Variants in CUL3 observed in about 807,000 individuals in gnomAD.
CUL3 encodes cullin-3.
A neutral mutation model predicts 89.1 loss-of-function variants in CUL3; 19 were observed. That is an observed-to-expected ratio of 0.21 (90% CI 0.15 to 0.31). The LOEUF (loss-of-function observed/expected upper bound fraction) is 0.31. CUL3 is among the 10% of genes least tolerant of loss of function. The probability of loss-of-function intolerance (pLI) is 1.00; values close to 1 mark genes in which losing one functional copy is unlikely to be tolerated. For synonymous variants in CUL3, 351 were observed against 308.4 expected, an observed-to-expected ratio of 1.14 and a Z score of -1.45; for missense variants, 469 against 942.3, an observed-to-expected ratio of 0.50 and a Z score of 6.58.
chr2:224,518,120 C>A (rs1693134152), intron 3 of CUL3, among the ~76,000 whole-genome samples: 1 of 152,136 alleles, frequency 6.6e-6, no homozygotes, highest in Admixed American at 6.5e-5. Flanking sequence ...TCGGGATTTG[C>A]AGCTAGAATA....
At chr2:224,498,963 G>A (rs1160086610) in intron 11 of CUL3, among the ~76,000 whole-genome samples, 2 of 152,164 alleles carry the variant, frequency 1.3e-5, no homozygotes, top group East Asian at 3.9e-4. Context: ...AATGTTCGAG[G>A]CTTTTTAAGT....
At chr2:224,572,666 G>A (rs1038503417) in intron 1 of CUL3, among the ~76,000 whole-genome samples, 1 of 150,748 alleles carries the variant, frequency 6.6e-6, no homozygotes, top group Non-Finnish European at 1.5e-5. Flanking sequence ...GGGGTCTTCA[G>A]GAAGTGATTA....
At chr2:224,498,601 A>G (rs1047069446) in intron 11 of CUL3, among the ~76,000 whole-genome samples, 2 of 152,220 alleles carry the variant, frequency 1.3e-5, no homozygotes. Flanking sequence ...TCAGGCAAAT[A>G]AAACTAGTTG....
At chr2:224,572,619 T>G (rs1574706879) in intron 1 of CUL3, among the ~76,000 whole-genome samples, 13 of 98,248 alleles carry the variant, frequency 1.3e-4, no homozygotes, top group Admixed American at 4.5e-4. Context: ...CCAGCCTGGG[T>G]GAGAGTGAGA....
intron 13 of CUL3, among the ~76,000 whole-genome samples, chr2:224,489,643 ATAC>A (rs1691878894): frequency 6.6e-6 from 1 of 152,366 alleles, no homozygotes. Flanking sequence ...GAAAATGGCC[ATAC>A]TGCCCAAAGT....
rs550266395 is a variant in CUL3, at chr2:224,573,432, A to G, written c.66+11512T>C. 5.9e-5 allele frequency among the ~76,000 whole-genome samples: 9 copies of G among 152,356 alleles called. No homozygotes were observed. The South Asian group carries it at 1.9e-3, about 32-fold the overall frequency. The stretch of plus-strand genomic sequence containing the variant: ...TCAATACACACTAAGGTCCCCTTAA[A>G]CAAGTTATATATTCAAATGTTACTG... On this transcript the variant is annotated intron_variant, in intron 1 of 15. Transcript: ENST00000264414.
At chr2:224,577,422 A>G (rs775898348) in intron 1 of CUL3, among the ~76,000 whole-genome samples, 4 of 152,128 alleles carry the variant, frequency 2.6e-5, no homozygotes, top group Non-Finnish European at 5.9e-5. Flanking sequence ...CAAAAAAATT[A>G]GCCAGGCGTG....
chr2:224,489,349 G>C (rs1691864356), intron 13 of CUL3, among the ~76,000 whole-genome samples: 1 of 152,110 alleles, frequency 6.6e-6, no homozygotes. Context: ...TTGTGTATTT[G>C]GAAAACCCCA....
chr2:224,571,383 A>C (rs1695176221), intron 1 of CUL3, among the ~76,000 whole-genome samples: 1 of 152,184 alleles, frequency 6.6e-6, no homozygotes, highest in Admixed American at 6.5e-5. Context: ...ATGTATATAA[A>C]ATTACTTTTT....
intron 1 of CUL3, among the ~76,000 whole-genome samples, chr2:224,574,449 T>C (rs1695253730): frequency 6.6e-6 from 1 of 152,196 alleles, no homozygotes; most frequent in South Asian, 2.1e-4. Flanking sequence ...CTCCTCACCT[T>C]TAAAAAAGAT....
At chr2:224,500,804 A>C (rs1692358465) in intron 10 of CUL3, among the ~76,000 whole-genome samples, 1 of 151,804 alleles carries the variant, frequency 6.6e-6, no homozygotes, top group Non-Finnish European at 1.5e-5. Context: ...TTGTATTTTT[A>C]GTAGAGACGG....
intron 6 of CUL3, among the ~76,000 whole-genome samples, chr2:224,510,559 A>C (rs1692783152): frequency 6.6e-6 from 1 of 152,152 alleles, no homozygotes; most frequent in Non-Finnish European, 1.5e-5. Flanking sequence ...TGGATAAAAT[A>C]TTGCTTAGAT....
chr2:224,497,700 C>A (rs1692219365), intron 12 of CUL3, 53 bp downstream of exon 12: 2 of 1,331,876 alleles, frequency 1.5e-6, no homozygotes, highest in South Asian at 1.2e-5. Flanking sequence ...CACACATCAG[C>A]TCTAATAGAC....
chr2:224,562,557 G>A (rs1694935937), intron 1 of CUL3: 1 of 150,538 alleles, frequency 6.6e-6, no homozygotes, highest in African/African-American at 2.4e-5. Context: ...AAAATCGCTT[G>A]AACCCGGGAG....
At chr2:224,562,691 ATGAC>A (rs1450722077) in intron 1 of CUL3, 1 of 152,180 alleles carries the variant, frequency 6.6e-6, no homozygotes, top group Non-Finnish European at 1.5e-5. Context: ...GAGAGATTAA[ATGAC>A]TTACCCAAAA....
chr2:224,547,966 A>G (rs1389938851), intron 2 of CUL3, among the ~76,000 whole-genome samples: 2 of 152,240 alleles, frequency 1.3e-5, no homozygotes, highest in Admixed American at 1.3e-4. Context: ...CCATCTAGAA[A>G]TAGGGAGAAA....
intron 3 of CUL3, among the ~76,000 whole-genome samples, chr2:224,523,929 T>C (rs1447327424): frequency 6.6e-6 from 1 of 152,122 alleles, no homozygotes; most frequent in African/African-American, 2.4e-5. Context: ...GGAAAGTTAC[T>C]GTTTAGTGAG....
At chr2:224,499,365 T>C (rs1692287529) in intron 11 of CUL3, 1 of 234,394 alleles carries the variant, frequency 4.3e-6, no homozygotes, top group African/African-American at 2.3e-5. Flanking sequence ...CTTAAGACAA[T>C]TACTAGAATC....
chr2:224,522,805 G>A (rs4674917), intron 3 of CUL3, among the ~76,000 whole-genome samples: 45,218 of 149,590 alleles, frequency 0.3, 6,956 homozygotes, highest in Middle Eastern at 0.41. Flanking sequence ...TCCAGCCTGG[G>A]TGACAGCGTG....
Sources: allele counts gnomAD v4.1 joint callset (sites outside exome capture counted in the v4.1 genomes callset), GRCh38; gene constraint gnomAD v4.1.1; transcripts MANE v1.5; gene names NCBI Gene and HGNC (gene_info 2026-07-23, HGNC 2026-07-21).